C9orf85: variants seen among roughly 807,000 people sequenced by gnomAD.
C9orf85 encodes the protein uncharacterized protein C9orf85.
In C9orf85, 16 loss-of-function variants were observed where a neutral mutation model predicts 14.9. The ratio of observed to expected loss-of-function variants is 1.08; its 90% CI spans 0.73 to 1.63. The LOEUF (loss-of-function observed/expected upper bound fraction) is 1.63. C9orf85 is among the 40% of genes most tolerant of loss of function. The pLI is 0.00. For missense variants in C9orf85, 172 were observed against 186.1 expected (o/e 0.92, Z 0.44); for synonymous variants, 45 against 56.8 (o/e 0.79, Z 0.93).
intron 2 of C9orf85, among the ~76,000 whole-genome samples, chr9:71,965,087 A>G (rs1258562959): frequency 4.6e-5 from 7 of 152,194 alleles, no homozygotes; most frequent in African/African-American, 1.7e-4. Context: ...TCGAGCAGTA[A>G]CAAACAGACC....
intron 1 of C9orf85, among the ~76,000 whole-genome samples, chr9:71,935,334 C>G (rs1203490008): frequency 1.3e-5 from 2 of 152,026 alleles, no homozygotes; most frequent in African/African-American, 4.8e-5. Flanking sequence ...GCATTATTTA[C>G]AATAACTAAA....
chr9:71,983,371 A>G (rs1318463362), downstream of C9orf85: 1 of 152,202 alleles, frequency 6.6e-6, no homozygotes, highest in Non-Finnish European at 1.5e-5. Flanking sequence ...TGTGTTGCCC[A>G]TTTTAAAAAT....
downstream of C9orf85, among the ~76,000 whole-genome samples, chr9:71,976,447 G>A (rs896646631): frequency 6.6e-6 from 1 of 152,130 alleles, no homozygotes; most frequent in South Asian, 2.1e-4. Flanking sequence ...TGGATCACGA[G>A]GTCAGGAGAT....
chr9:71,953,189 G>T (rs752694558), intron 2 of C9orf85, among the ~76,000 whole-genome samples: 1 of 152,140 alleles, frequency 6.6e-6, no homozygotes, highest in Non-Finnish European at 1.5e-5. Context: ...AGAGTGTCTT[G>T]GTTGAGAAGC....
chr9:71,985,151 C>T (rs909604934), downstream of C9orf85: 1 of 152,244 alleles, frequency 6.6e-6, no homozygotes, highest in African/African-American at 2.4e-5. Context: ...ACCTCACCCA[C>T]CTCTCCAAAC....
intron 2 of C9orf85, among the ~76,000 whole-genome samples, chr9:71,967,509 T>A (rs1025443578): frequency 9.9e-5 from 15 of 152,186 alleles, no homozygotes; most frequent in Non-Finnish European, 8.8e-5. Context: ...TGCTTTTTCT[T>A]ATACAAAGTA....
intron 1 of C9orf85, among the ~76,000 whole-genome samples, chr9:71,945,295 A>G (rs1370965633): frequency 1.3e-5 from 2 of 152,220 alleles, no homozygotes; most frequent in South Asian, 2.1e-4. Flanking sequence ...ATAACTATTA[A>G]TAAGTACAAA....
downstream of C9orf85, among the ~76,000 whole-genome samples, chr9:71,977,050 G>C (rs1386788936): frequency 6.6e-6 from 1 of 152,118 alleles, no homozygotes; most frequent in Non-Finnish European, 1.5e-5. Flanking sequence ...GGTACCAAAC[G>C]AGCTGCAGAG....
At position 71,942,678 on chromosome 9, in the gene C9orf85, G is replaced by A. The variant is rs535628235; in HGVS notation, c.103-4328G>A. Among the ~76,000 whole-genome samples the A allele has an allele frequency of 1.2e-4, 18 of 152,248 alleles. No homozygotes were observed. The East Asian group carries it at 2.3e-3, about 20-fold the overall frequency. The stretch of plus-strand genomic sequence containing the variant: ...AGCACCTTGGGAGGCCAAGGTGGGC[G>A]GATCACTTGAGGTCAGGAGTTCGAG... On this transcript the variant is annotated intron_variant, in intron 1 of 3. Coordinates refer to ENST00000334731, the MANE Select transcript of C9orf85 (RefSeq NM_182505.5).
chr9:71,981,019 A>G (rs1307695948), intron 3 of C9orf85, among the ~76,000 whole-genome samples: 4 of 152,220 alleles, frequency 2.6e-5, no homozygotes, highest in Non-Finnish European at 4.4e-5. Flanking sequence ...GAAATGCTTA[A>G]TGATGCTATA....
At chr9:71,939,871 G>A (rs897906498) in intron 1 of C9orf85, among the ~76,000 whole-genome samples, 6 of 152,130 alleles carry the variant, frequency 3.9e-5, no homozygotes. Context: ...TTGTACATCT[G>A]TATATAATTT....
At chr9:71,963,581 C>T (rs1286505659) in intron 2 of C9orf85, among the ~76,000 whole-genome samples, 5 of 152,162 alleles carry the variant, frequency 3.3e-5, no homozygotes, top group Non-Finnish European at 5.9e-5. Context: ...GAGGCGCTTG[C>T]GGGCCAGCTG....
chr9:71,912,066 A>G, intron 1 of C9orf85: 2 of 553,946 alleles, frequency 3.6e-6, no homozygotes, highest in Non-Finnish European at 6.7e-6. Context: ...CTAATTGCAC[A>G]GAGTGAACAG....
chr9:71,945,384 G>A (rs979231856), intron 1 of C9orf85, among the ~76,000 whole-genome samples: 2 of 152,164 alleles, frequency 1.3e-5, no homozygotes, highest in Non-Finnish European at 2.9e-5. Context: ...AGAGTAAGCA[G>A]GGGATATAGT....
Position 71,980,969 on chromosome 9 carries a change from A to G in C9orf85, c.324-1688A>G, listed in dbSNP as rs1823086965. Reference sequence around the variant, plus strand: ...GTAATAGTACACTTCAGATCCTATTAAGTGATTTATGTGTGGGAAATCCTC... The same window carrying G: ...GTAATAGTACACTTCAGATCCTATTGAGTGATTTATGTGTGGGAAATCCTC... On this transcript the variant is annotated intron_variant, in intron 3 of 3. Transcript: ENST00000377031. 2.0e-5 allele frequency among the ~76,000 whole-genome samples: 3 copies of G among 152,230 alleles called. No individual in the cohort carries two copies. In the South Asian group the frequency reaches 6.2e-4, roughly 31 times the overall value.
intron 1 of C9orf85, among the ~76,000 whole-genome samples, chr9:71,940,236 AAAG>A (rs1828294888): frequency 6.6e-6 from 1 of 152,108 alleles, no homozygotes; most frequent in Admixed American, 6.6e-5. Context: ...TTTAAAAAAA[AAAG>A]ACGCAAAAGA....
chr9:71,948,815 C>A (rs1051770103), intron 2 of C9orf85, among the ~76,000 whole-genome samples: 577 of 3,192 alleles, frequency 0.18, 4 homozygotes, highest in Middle Eastern at 0.4. Context: ...TGAGCCACGC[C>A]CCCCCCCCCC....
At chr9:71,977,536 A>G (rs1301730105), downstream of C9orf85, among the ~76,000 whole-genome samples, 2 of 152,274 alleles carry the variant, frequency 1.3e-5, no homozygotes, top group African/African-American at 4.8e-5. Flanking sequence ...CACATTATAC[A>G]TTTATAATGT....
chr9:71,923,117 A>G (rs10869069), intron 1 of C9orf85, among the ~76,000 whole-genome samples: 148,342 of 152,300 alleles, frequency 0.97, 72,360 homozygotes, highest in East Asian at 1. Flanking sequence ...GCAACAGTGC[A>G]AGACTCCGTC....
Sources: allele counts gnomAD v4.1 joint callset (sites outside exome capture counted in the v4.1 genomes callset), GRCh38; gene constraint gnomAD v4.1.1; transcripts MANE v1.5; gene names NCBI Gene and HGNC (gene_info 2026-07-23, HGNC 2026-07-21).